SMIM9: variants seen among roughly 807,000 people sequenced by gnomAD.
SMIM9 encodes small integral membrane protein 9, also known as chromosome X open reading frame 68.
SMIM9 carries 8 observed loss-of-function variants against 7.2 expected under a neutral mutation model. That is an observed-to-expected ratio of 1.10 (90% CI 0.65 to 1.99). The LOEUF (loss-of-function observed/expected upper bound fraction) is 1.99. SMIM9 is among the 30% of genes most tolerant of loss of function. The pLI, the probability that SMIM9 is intolerant of heterozygous loss-of-function variation, is 0.00. For synonymous variants in SMIM9, 19 were observed against 26.4 expected (o/e 0.72, Z 0.86); for missense variants, 76 against 69.3 (o/e 1.10, Z -0.34).
At chrX:154,824,312 C>T (rs1208401227) in intron 4 of SMIM9, among the ~76,000 whole-genome samples, 3 of 95,982 alleles carry the variant, frequency 3.1e-5, no homozygotes, top group Non-Finnish European at 4.1e-5. Context: ...GCCGAGATCA[C>T]GCCACTGCAC....
At chrX:154,831,733 C>T (rs1265336191) in intron 2 of SMIM9, among the ~76,000 whole-genome samples, 1 of 110,662 alleles carries the variant, frequency 9.0e-6, no homozygotes, top group Non-Finnish European at 1.9e-5. Context: ...TCATTTTGAA[C>T]AAGCTAGGCA....
At position 154,830,684 on chromosome X, in the gene SMIM9, A is replaced by C. The variant is rs1289823802; in HGVS notation, c.142+31T>G. ...AACATGAATCTTAAGTCCTATGAAG[A>C]AAGAAACATTCATCCTAACAGCAAA... On this transcript the variant is annotated intron_variant, in intron 3 of 4. Transcript: ENST00000369529. 7.8e-6 allele frequency: 9 copies of C among 1,157,970 alleles called. No individual in the cohort carries two copies. In the African/African-American group the frequency reaches 1.6e-4, roughly 21 times the overall value.
chrX:154,825,757 C>T (rs1281579236), intron 4 of SMIM9, among the ~76,000 whole-genome samples: 5 of 109,986 alleles, frequency 4.5e-5, no homozygotes, highest in Non-Finnish European at 9.5e-5. Context: ...AGGATGAGTT[C>T]ATGTCCTTTG....
chrX:154,824,139 C>G (rs112782071), intron 4 of SMIM9, among the ~76,000 whole-genome samples: 2 of 110,237 alleles, frequency 1.8e-5, no homozygotes, highest in Non-Finnish European at 1.9e-5. Context: ...AGGCAGATCA[C>G]GAGGTCAGGA....
intron 4 of SMIM9, chrX:154,827,492 C>A (rs782117934): frequency 8.9e-6 from 1 of 112,568 alleles, no homozygotes; most frequent in South Asian, 3.7e-4. Flanking sequence ...TCAGTTGAAG[C>A]CCTGCATATG....
At chrX:154,829,809 G>T in intron 3 of SMIM9, 145 bp from the exon 4 acceptor site, 2 of 605,858 alleles carry the variant, frequency 3.3e-6, no homozygotes, top group Non-Finnish European at 5.0e-6. Flanking sequence ...CTACTTTGCT[G>T]TGCTGGCTGT....
At chrX:154,825,094 A>G (rs1327250007) in intron 4 of SMIM9, among the ~76,000 whole-genome samples, 1 of 112,184 alleles carries the variant, frequency 8.9e-6, no homozygotes, top group Non-Finnish European at 1.9e-5. Context: ...GCAACACTTA[A>G]AAAATTATAA....
At chrX:154,824,257 T>C (rs1557270077) in intron 4 of SMIM9, among the ~76,000 whole-genome samples, 1 of 101,957 alleles carries the variant, frequency 9.8e-6, no homozygotes, top group South Asian at 4.4e-4. Context: ...CTCGGGAGGC[T>C]GAGGCAGGAG....
chrX:154,824,162 T>C (rs999837458), intron 4 of SMIM9, among the ~76,000 whole-genome samples: 11 of 108,875 alleles, frequency 1.0e-4, no homozygotes, highest in South Asian at 3.9e-4. Context: ...TCGAGACCAT[T>C]CTGGCTAACA....
At chrX:154,829,321 T>C (rs2072434261) in intron 4 of SMIM9, among the ~76,000 whole-genome samples, 1 of 112,326 alleles carries the variant, frequency 8.9e-6, no homozygotes, top group Non-Finnish European at 1.9e-5. Context: ...TGTCAGTCAC[T>C]GGTAACAAAT....
In SMIM9 at chrX:154,829,485, C is replaced by A. The variant is rs904965647; in HGVS notation, c.272+50G>T. 5.2e-6 allele frequency: 6 copies of A among 1,151,663 alleles called. No individual in the cohort carries two copies. The African/African-American group carries it at 7.2e-5, about 14-fold the overall frequency. The allele number at this position is 1,151,663 out of a possible 1,213,427, so 94.9% of individuals were successfully genotyped here. Reference sequence around the variant, plus strand: ...AGCAACCTGTTTCTGTTCCCACCCCCCTTCACATTCCCTCTCTCCTCCCTG... The same window carrying A: ...AGCAACCTGTTTCTGTTCCCACCCCACTTCACATTCCCTCTCTCCTCCCTG... On this transcript the variant is annotated intron_variant, in intron 4 of 4. Transcript: ENST00000369529.
chrX:154,833,808 A>G (rs1453345129), intron 1 of SMIM9, among the ~76,000 whole-genome samples: 13 of 112,228 alleles, frequency 1.2e-4, no homozygotes, highest in Non-Finnish European at 1.9e-4. Flanking sequence ...TAAAAAAATA[A>G]TACTTATCCA....
chrX:154,826,277 A>T (rs1272292821), intron 4 of SMIM9, among the ~76,000 whole-genome samples: 2 of 111,017 alleles, frequency 1.8e-5, no homozygotes, highest in Non-Finnish European at 3.8e-5. Flanking sequence ...TTTTGCACCA[A>T]TGTCTCTTTT....
chrX:154,824,355 C>A (rs868945628), intron 4 of SMIM9, among the ~76,000 whole-genome samples: 175 of 42,205 alleles, frequency 4.1e-3, no homozygotes, highest in South Asian at 0.03. Context: ...GACTCCGTCT[C>A]AAAAAAAAAA....
Position 154,830,793 on chromosome X carries a change from C to T in SMIM9, c.64G>A (p.Glu22Lys), listed in dbSNP as rs781839889. The change falls in exon 3 of 5, where the codon GAG becomes AAG. Residue 22 changes from glutamate to lysine, a missense_variant. Physicochemically the swap from Glu to Lys is moderately conservative, Grantham distance 56. Transcript: ENST00000369529. ...LLCSLTCLLL[E>K]TVASSPLPLS... is the part of the protein sequence containing the mutation. ...GGCAAAGGAGAGGAAGCTACTGTCT[C>T]CAACAAGAGGCAAGTTAGAGAGCAT... is the stretch of plus-strand genomic sequence containing the variant. 83 of 1,165,765 alleles carry T rather than the reference C, an allele frequency of 7.1e-5. No homozygotes were observed. The highest frequency in any genetic ancestry group is 8.9e-5 in the Non-Finnish European group (78 of 872,626).
intron 4 of SMIM9, among the ~76,000 whole-genome samples, chrX:154,828,785 G>A (rs1248027509): frequency 9.0e-6 from 1 of 111,657 alleles, no homozygotes; most frequent in Non-Finnish European, 1.9e-5. Context: ...GGAGCCATAG[G>A]TGATGCCACA....
chrX:154,834,274 C>G (rs1287584351), intron 1 of SMIM9, among the ~76,000 whole-genome samples: 1 of 112,367 alleles, frequency 8.9e-6, no homozygotes, highest in Non-Finnish European at 1.9e-5. Context: ...GGTGGAGTAA[C>G]ATGCATGAGA....
chrX:154,834,455 CCTGT>C (rs1213792898), intron 1 of SMIM9, 104 bp downstream of exon 1: 4 of 112,275 alleles, frequency 3.6e-5, no homozygotes, highest in African/African-American at 9.7e-5. Context: ...GCATTGTATG[CCTGT>C]CTGACTTTTC....
At chrX:154,826,516 G>A (rs1161392188) in intron 4 of SMIM9, among the ~76,000 whole-genome samples, 2 of 111,972 alleles carry the variant, frequency 1.8e-5, no homozygotes, top group Non-Finnish European at 3.8e-5. Flanking sequence ...CTCAGCCTCT[G>A]AAAATGCTGG....
Sources: gnomAD v4.1 joint callset for allele counts (sites outside exome capture counted in the v4.1 genomes callset) on GRCh38, gnomAD v4.1.1 for gene constraint, MANE v1.5 for transcripts, NCBI Gene and HGNC (gene_info 2026-07-23, HGNC 2026-07-21) for gene names.